The following FLT1 variants were observed in gnomAD, a reference collection of about 807,000 sequenced individuals.
FLT1 encodes the protein vascular endothelial growth factor receptor 1.
Under a neutral mutation model 156.3 loss-of-function variants are expected in FLT1, and 49 were observed. That is an observed-to-expected ratio of 0.31 (90% CI 0.25 to 0.40). FLT1 has a LOEUF of 0.40. Ranked by LOEUF, FLT1 falls within the 10% of genes least tolerant of loss-of-function variation. The pLI, the probability that FLT1 is intolerant of heterozygous loss-of-function variation, is 1.00. For missense variants in FLT1, 1,322 were observed against 1,637.2 expected (o/e 0.81, Z 3.32); for synonymous variants, 594 against 583.8 (o/e 1.02, Z -0.25).
At chr13:28,338,075 A>C (rs1872186746) in intron 17 of FLT1, among the ~76,000 whole-genome samples, 1 of 152,086 alleles carries the variant, frequency 6.6e-6, no homozygotes, top group Non-Finnish European at 1.5e-5. Context: ...CCAGCTTTTA[A>C]CTGATTTCCA....
chr13:28,362,109 A>G (rs1421075875), intron 14 of FLT1, among the ~76,000 whole-genome samples: 1 of 152,208 alleles, frequency 6.6e-6, no homozygotes, highest in Admixed American at 6.5e-5. Context: ...GAAACAACCT[A>G]TAGGAATTGG....
chr13:28,394,224 A>C (rs1220247160), intron 12 of FLT1, among the ~76,000 whole-genome samples: 1 of 152,240 alleles, frequency 6.6e-6, no homozygotes, highest in Non-Finnish European at 1.5e-5. Context: ...AAAAGGATTA[A>C]GGGAAAGTAT....
chr13:28,307,792 G>A (rs4771237), intron 28 of FLT1, among the ~76,000 whole-genome samples: 146,040 of 151,618 alleles, frequency 0.96, 70,578 homozygotes, highest in East Asian at 1. Flanking sequence ...TTTTTGAGAC[G>A]GAGTCCAGCT....
In FLT1 at chr13:28,439,652, C is replaced by T. The variant is rs1878231253; in HGVS notation, c.389-1307G>A. On this transcript the variant is annotated intron_variant, in intron 3 of 29. Coordinates refer to ENST00000282397, the MANE Select transcript of FLT1 (RefSeq NM_002019.4). The surrounding 1 kb of genome is among the most constrained non-coding windows in gnomAD (Gnocchi z 4.1). The stretch of plus-strand genomic sequence containing the variant: ...CTCCTCATCCAATGTGATTAGCATC[C>T]TTGTAAGAAGGCAGTCATGTGAAGA... 6.6e-6 allele frequency among the ~76,000 whole-genome samples: 1 copy of T among 152,156 alleles called. No individual in the cohort carries two copies. The highest frequency in any genetic ancestry group is 2.1e-4 in the South Asian group (1 of 4,822).
intron 10 of FLT1, among the ~76,000 whole-genome samples, chr13:28,416,697 A>AC (rs1411731625): frequency 6.6e-6 from 1 of 151,988 alleles, no homozygotes; most frequent in Non-Finnish European, 1.5e-5. Context: ...AAAAATAGGA[A>AC]CCCCAGGCTA....
intron 10 of FLT1, among the ~76,000 whole-genome samples, chr13:28,417,151 G>C (rs1876700566): frequency 6.6e-6 from 1 of 152,208 alleles, no homozygotes; most frequent in South Asian, 2.1e-4. Flanking sequence ...TAGCCAGGTA[G>C]TGACTGCCTG....
intron 1 of FLT1, among the ~76,000 whole-genome samples, chr13:28,482,036 T>C (rs1302720580): frequency 2.0e-5 from 3 of 152,230 alleles, no homozygotes; most frequent in Admixed American, 6.5e-5. Flanking sequence ...AAAAATCTTC[T>C]ACACATTCCT....
At chr13:28,402,770 C>T (rs1593750211) in intron 11 of FLT1, among the ~76,000 whole-genome samples, 3 of 151,982 alleles carry the variant, frequency 2.0e-5, no homozygotes, top group Non-Finnish European at 2.9e-5. Flanking sequence ...TGTTACTTTA[C>T]GTTACGTTAC....
chr13:28,327,283 C>T (rs1871722646), intron 20 of FLT1, among the ~76,000 whole-genome samples, 179 bp downstream of exon 20: 1 of 152,112 alleles, frequency 6.6e-6, no homozygotes, highest in Non-Finnish European at 1.5e-5. Flanking sequence ...CTGTGCTATC[C>T]ACACTAGAGT....
chr13:28,397,157 T>C (rs1875098432), intron 11 of FLT1, 89 bp from the exon 12 acceptor site: 1 of 775,900 alleles, frequency 1.3e-6, no homozygotes, highest in African/African-American at 1.7e-5. Context: ...ATGATTCAGC[T>C]ACTCCATTCA....
chr13:28,379,218 C>G (rs1381234118), intron 14 of FLT1, among the ~76,000 whole-genome samples: 1 of 152,154 alleles, frequency 6.6e-6, no homozygotes, highest in African/African-American at 2.4e-5. Flanking sequence ...TGGCATGCAC[C>G]TGCAATCCCA....
At chr13:28,409,799 A>T (rs992877830) in intron 10 of FLT1, among the ~76,000 whole-genome samples, 1 of 152,194 alleles carries the variant, frequency 6.6e-6, no homozygotes, top group Non-Finnish European at 1.5e-5. Flanking sequence ...TGGACATAGT[A>T]AGAAAAGACA....
rs533773625 is a variant in FLT1, at chr13:28,365,357, C to CA, written c.2117-7673_2117-7672insT. 7.5e-3 allele frequency among the ~76,000 whole-genome samples: 1,133 copies of CA among 151,830 alleles called. 14 individuals carry two copies. The highest frequency in any genetic ancestry group is 0.026 in the African/African-American group (1,071 of 41,436). ...GTCTTTAGAACTAACATGTAGAACTCCCTTTTTTTTTTTGAGGCGGAGTCT... is the reference window on the plus strand; with the variant it reads ...GTCTTTAGAACTAACATGTAGAACTCACCTTTTTTTTTTTGAGGCGGAGTCT... On this transcript the variant is annotated intron_variant, in intron 14 of 29. Transcript: ENST00000282397.
chr13:28,305,203 T>A (rs1158746271), intron 29 of FLT1, among the ~76,000 whole-genome samples: 1 of 152,192 alleles, frequency 6.6e-6, no homozygotes, highest in African/African-American at 2.4e-5. Context: ...CATCTAGCTA[T>A]CCTCATGGGC....
chr13:28,308,793 G>T, intron 28 of FLT1, 50 bp downstream of exon 28: 2 of 1,119,338 alleles, frequency 1.8e-6, no homozygotes, highest in Non-Finnish European at 2.7e-6. Flanking sequence ...GAAGGGATCT[G>T]AAGAAGGGGT....
At chr13:28,459,453 C>A (rs750579443) in intron 3 of FLT1, among the ~76,000 whole-genome samples, 1 of 151,398 alleles carries the variant, frequency 6.6e-6, no homozygotes, top group Non-Finnish European at 1.5e-5. Flanking sequence ...TGGAAGGAGC[C>A]ACATGTTAGG....
chr13:28,494,868 C>A lies in FLT1; in HGVS notation c.-25G>T. ...TGGTGAGCGCGACGCGGCCTGCTCG[C>A]CCGGTGCCCGCGCTCCCCGCGGCCA... On this transcript the variant is annotated 5_prime_UTR_variant, in exon 1 of 30. Transcript: ENST00000282397. 6.6e-7 allele frequency: 1 copy of A among 1,521,356 alleles called. No individual in the cohort carries two copies. The highest frequency in any genetic ancestry group is 2.7e-5 in the East Asian group (1 of 37,550). 94.2% of individuals were successfully genotyped at this position (1,521,356 alleles called of 1,614,324 possible). A position where few individuals can be genotyped will look rare whatever the true frequency, so the allele number is the denominator to read the frequency against.
chr13:28,339,260 A>G lies in FLT1; in HGVS notation c.2396T>C (p.Met799Thr), dbSNP rs761149184. Residue 799 changes from methionine to threonine, a missense_variant, in exon 17 of 30, where the codon ATG (methionine) becomes ACG (threonine). Met to Thr is a moderately conservative substitution (Grantham distance 81, BLOSUM62 -1). Transcript: ENST00000282397. ...EIKTDYLSII[M>T]DPDEVPLDEQ... The stretch of plus-strand genomic sequence containing the variant: ...ATCCAAAGGAACTTCATCTGGGTCC[A>G]TTATAATTGATAGGTAGTCAGTCTT... The G allele has an allele frequency of 1.2e-6, 2 of 1,613,542 alleles. No individual in the cohort carries two copies. Among genetic ancestry groups the G allele is most frequent in the South Asian group, 1.1e-5 (1 of 91,078 alleles).
At chr13:28,476,318 G>A (rs889497582) in intron 1 of FLT1, among the ~76,000 whole-genome samples, 5 of 152,170 alleles carry the variant, frequency 3.3e-5, no homozygotes, top group African/African-American at 7.2e-5. Context: ...TTTAGAAATT[G>A]ACTTGAATGT....
Sources: gnomAD v4.1 joint callset for allele counts (sites outside exome capture counted in the v4.1 genomes callset) on GRCh38, gnomAD v4.1.1 for gene constraint, Gnocchi (gnomAD v3.1) non-coding constraint, MANE v1.5 for transcripts, NCBI Gene and HGNC (gene_info 2026-07-23, HGNC 2026-07-21) for gene names.